DMD: variants seen among roughly 807,000 people sequenced by gnomAD.
DMD encodes dystrophin, also known as mutant dystrophin.
A neutral mutation model predicts 330.1 loss-of-function variants in DMD; 63 were observed. The ratio of observed to expected loss-of-function variants is 0.19; its 90% confidence interval spans 0.16 to 0.24. The LOEUF is 0.24. Among genes scored for constraint, DMD ranks in the 10% least tolerant of loss-of-function variants. DMD has a pLI of 1.00. For synonymous variants in DMD, 1,223 were observed against 959.8 expected (o/e 1.27, Z -5.07); for missense variants, 3,344 against 2,684.1 (o/e 1.25, Z -5.43).
intron 1 of DMD, among the ~76,000 whole-genome samples, chrX:33,201,132 T>A (rs1330041867): frequency 9.1e-6 from 1 of 110,213 alleles, no homozygotes; most frequent in Non-Finnish European, 1.9e-5. Context: ...GGTTTCACCA[T>A]GTTGGCCAGG....
chrX:31,293,128 CTT>C (rs1226019610), intron 62 of DMD, among the ~76,000 whole-genome samples: 5 of 101,957 alleles, frequency 4.9e-5, no homozygotes, highest in Non-Finnish European at 9.8e-5. Context: ...ATAATATTCG[CTT>C]TCTCTCTCTC....
intron 47 of DMD, among the ~76,000 whole-genome samples, chrX:31,917,045 A>G (rs993898636): frequency 5.4e-5 from 6 of 110,958 alleles, no homozygotes; most frequent in Non-Finnish European, 1.1e-4. Flanking sequence ...TTGGTGGTCA[A>G]CTCCTACACA....
At chrX:32,262,098 T>C (rs1043282078) in intron 43 of DMD, among the ~76,000 whole-genome samples, 3 of 111,775 alleles carry the variant, frequency 2.7e-5, no homozygotes, top group African/African-American at 9.8e-5. Context: ...CCAAACATGA[T>C]AGTATCTTTA....
chrX:32,844,184 C>T (rs988068723), intron 4 of DMD, among the ~76,000 whole-genome samples: 2 of 111,051 alleles, frequency 1.8e-5, no homozygotes, highest in Non-Finnish European at 3.8e-5. Context: ...GCAGGTGGAT[C>T]ACCTGAGGTC....
intron 59 of DMD, among the ~76,000 whole-genome samples, chrX:31,470,883 A>C (rs779853957): frequency 2.1e-4 from 24 of 112,360 alleles, no homozygotes; most frequent in Non-Finnish European, 4.1e-4. Context: ...ATCTGGCTAC[A>C]GTGGCTTTGC....
At chrX:32,587,048 T>C (rs936416695) in intron 13 of DMD, among the ~76,000 whole-genome samples, 2 of 111,488 alleles carry the variant, frequency 1.8e-5, no homozygotes, top group Non-Finnish European at 3.8e-5. Context: ...TTCCTCTTCA[T>C]AAATAACTTC....
chrX:32,670,388 C>G (rs2061558832), intron 9 of DMD, among the ~76,000 whole-genome samples: 1 of 111,620 alleles, frequency 9.0e-6, no homozygotes, highest in South Asian at 3.7e-4. Flanking sequence ...ACACAAAGGC[C>G]AGAAGACATA....
chrX:31,202,724 A>C (rs1022696442), intron 67 of DMD, among the ~76,000 whole-genome samples: 1 of 112,002 alleles, frequency 8.9e-6, no homozygotes. Context: ...TGGATTGAGA[A>C]ACCCTACATA....
At position 31,507,353 on chromosome X, in the gene DMD, A is replaced by T; in HGVS notation, c.8318T>A (p.Val2773Asp). 8.3e-7 allele frequency: 1 copy of T among 1,211,380 alleles called. No homozygotes were observed. The highest frequency in any genetic ancestry group is 1.8e-5 in the South Asian group (1 of 56,982). Residue 2773 changes from valine to aspartate, a missense_variant, in exon 56 of 79, where the codon GTC (valine) becomes GAC (aspartate). Transcript: ENST00000357033. ...GTTATCCAAACGTCTTTGTAACAGG[A>T]CTGCATCATCGGAACCTTCCAGGGA... is the stretch of plus-strand genomic sequence containing the variant. ...LRSLEGSDDA[V>D]LLQRRLDNMN...
chrX:32,714,058 G>T (rs887758445), intron 7 of DMD, among the ~76,000 whole-genome samples: 1 of 111,256 alleles, frequency 9.0e-6, no homozygotes, highest in African/African-American at 3.3e-5. Flanking sequence ...TGATTAAATG[G>T]GTACTCAAAG....
intron 47 of DMD, among the ~76,000 whole-genome samples, chrX:31,900,842 T>C (rs1051219785): frequency 9.0e-5 from 10 of 111,543 alleles, no homozygotes; most frequent in Admixed American, 1.9e-4. Flanking sequence ...TCAAACCAGT[T>C]TGTAGACCTC....
chrX:31,203,852 C>G (rs2043777714), intron 67 of DMD, 109 bp downstream of exon 67: 1 of 661,263 alleles, frequency 1.5e-6, no homozygotes. Context: ...AATCCCATAC[C>G]TACTGCCTAC....
chrX:32,463,356 C>T, intron 25 of DMD, 83 bp downstream of exon 25: 1 of 961,240 alleles, frequency 1.0e-6, no homozygotes, highest in East Asian at 3.4e-5. Context: ...AAAGCCTTAA[C>T]CAAAAGTAAC....
chrX:32,271,714 T>C (rs1222881701), intron 43 of DMD, among the ~76,000 whole-genome samples: 8 of 112,404 alleles, frequency 7.1e-5, no homozygotes, highest in Non-Finnish European at 1.3e-4. Flanking sequence ...TTTTTCTCTA[T>C]GAGAGACTGT....
rs59880042 is a variant in DMD, at chrX:31,443,545, A to ATT, written c.9084+934_9084+935dup. 2.3e-3 allele frequency among the ~76,000 whole-genome samples: 235 copies of ATT among 102,149 alleles called. 2 individuals carry two copies. The highest frequency in any genetic ancestry group is 7.9e-3 in the African/African-American group (224 of 28,234). The allele number at this position is 102,149 out of a possible 115,157, so 88.7% of individuals were successfully genotyped here. The stretch of plus-strand genomic sequence containing the variant: ...ATATTGCAGAGAATTTTATTATCGC[A>ATT]TTTTTTTTTTTTTGATGAAAGACTG... On this transcript the variant is annotated intron_variant, in intron 60 of 78. Transcript: ENST00000357033.
intron 62 of DMD, among the ~76,000 whole-genome samples, chrX:31,297,815 T>C (rs1338506685): frequency 1.8e-5 from 2 of 112,545 alleles, no homozygotes; most frequent in Non-Finnish European, 3.8e-5. Flanking sequence ...TGCATATGCA[T>C]GTGTGCATAC....
intron 7 of DMD, among the ~76,000 whole-genome samples, chrX:32,764,341 A>G (rs1020446817): frequency 9.0e-6 from 1 of 111,378 alleles, no homozygotes; most frequent in African/African-American, 3.3e-5. Context: ...ATCATTTATA[A>G]GCATACAATT....
chrX:32,709,523 T>G (rs1351360545), intron 7 of DMD, among the ~76,000 whole-genome samples: 1 of 111,946 alleles, frequency 8.9e-6, no homozygotes, highest in Admixed American at 9.5e-5. Context: ...TCCTTCACAC[T>G]TAGCTAAAAG....
intron 10 of DMD, among the ~76,000 whole-genome samples, chrX:32,644,633 C>G (rs961269418): frequency 1.8e-5 from 2 of 110,159 alleles, no homozygotes; most frequent in Non-Finnish European, 3.8e-5. Context: ...AGAAGCCAAA[C>G]GAGTGTATCA....
Sources: gnomAD v4.1 joint callset for allele counts (sites outside exome capture counted in the v4.1 genomes callset) on GRCh38, gnomAD v4.1.1 for gene constraint, MANE v1.5 for transcripts, NCBI Gene and HGNC (gene_info 2026-07-23, HGNC 2026-07-21) for gene names.